NPC1L1: variants seen among roughly 807,000 people sequenced by gnomAD.
The protein encoded by NPC1L1 is NPC1-like intracellular cholesterol transporter 1.
NPC1L1 carries 98 observed loss-of-function variants against 117.0 expected under a neutral mutation model. The ratio of observed to expected loss-of-function variants is 0.84; its 90% CI spans 0.71 to 0.99. The LOEUF is 0.99. Among genes scored for constraint, NPC1L1 ranks in the 50% least tolerant of loss-of-function variants. The pLI, the probability that NPC1L1 is intolerant of heterozygous loss-of-function variation, is 0.00. For missense variants in NPC1L1, 1,540 were observed against 1,710.0 expected, an observed-to-expected ratio of 0.90 and a Z score of 1.75; for synonymous variants, 729 against 727.6, an observed-to-expected ratio of 1.00 and a Z score of -0.03.
chr7:44,513,689 G>A (rs1177398149), intron 18 of NPC1L1, 40 bp from the exon 19 acceptor site: 1 of 1,601,166 alleles, frequency 6.2e-7, no homozygotes, highest in South Asian at 1.1e-5. Flanking sequence ...GAGGTGGGCA[G>A]GGGACACAGG....
chr7:44,514,519 A>C (rs1023438525), intron 18 of NPC1L1, among the ~76,000 whole-genome samples: 18 of 151,892 alleles, frequency 1.2e-4, no homozygotes, highest in Non-Finnish European at 2.4e-4. Flanking sequence ...AAATACAAAA[A>C]TTAGCCAGGT....
chr7:44,526,479 G>T (rs574157479), intron 10 of NPC1L1, among the ~76,000 whole-genome samples: 1 of 148,736 alleles, frequency 6.7e-6, no homozygotes, highest in East Asian at 2.0e-4. Context: ...AACCTGGGAG[G>T]TGGAGGTTGC....
chr7:44,539,898 G>T lies in NPC1L1; in HGVS notation c.499C>A (p.Gln167Lys). 6.2e-7 allele frequency: 1 copy of T among 1,614,154 alleles called. No individual in the cohort carries two copies. Among genetic ancestry groups the T allele is most frequent in the Non-Finnish European group, 8.5e-7 (1 of 1,180,046 alleles). ...EAFYQHSFAE[Q>K]SYDSCSRVRV... is the part of the protein sequence containing the mutation. ...ACACGGCTGCAGGAGTCATAGCTCT[G>T]CTCGGCAAAGCTATGCTGGTAGAAG... Residue 167 changes from glutamine to lysine, a missense_variant, in exon 2 of 19, where the codon CAG becomes AAG. By Grantham distance (53) the Gln-to-Lys change is moderately conservative. Around this residue, in one of 3 missense-constraint regions of NPC1L1, gnomAD observed 793 missense variants for 820.4 expected, o/e 0.97. Coordinates refer to ENST00000381160, the MANE Select transcript of NPC1L1 (RefSeq NM_001101648.2). This position sits in a 1 kb window ranked among gnomAD's most constrained non-coding sequence, Gnocchi z 4.4.
chr7:44,540,755 G>C (rs1213098206), intron 1 of NPC1L1, among the ~76,000 whole-genome samples: 1 of 151,912 alleles, frequency 6.6e-6, no homozygotes, highest in Non-Finnish European at 1.5e-5. Context: ...CCACCTGCTT[G>C]AGGCCAAAAG....
At position 44,512,972 on chromosome 7, in the gene NPC1L1, G is replaced by A. The variant is rs1801082601; in HGVS notation, c.*475C>T. 4.7e-6 allele frequency: 1 copy of A among 211,632 alleles called. No homozygotes were observed. Among genetic ancestry groups the A allele is most frequent in the South Asian group, 8.4e-5 (1 of 11,894 alleles). 13.1% of individuals were successfully genotyped at this position (211,632 alleles called of 1,614,324 possible). ...CTCCCACAGCGTTGGCTCTTGGCCTGAGCCTTTGCCTCTCTCTGGCCTCCT... is the reference window on the plus strand; with the variant it reads ...CTCCCACAGCGTTGGCTCTTGGCCTAAGCCTTTGCCTCTCTCTGGCCTCCT... On this transcript the variant is annotated 3_prime_UTR_variant, in exon 19 of 19. Transcript: ENST00000381160.
At position 44,517,225 on chromosome 7, in the gene NPC1L1, A is replaced by G. The variant is rs530055456; in HGVS notation, c.3269T>C (p.Phe1090Ser). The G allele has an allele frequency of 1.9e-5, 31 of 1,613,884 alleles. No homozygotes were observed. The South Asian group carries it at 3.3e-4, about 17-fold the overall frequency. ...TCCTCACGTGTAGGGGAAGACCTCAAAAGCCGGGTCTGTTCCAGGCACTTT... is the reference window on the plus strand; with the variant it reads ...TCCTCACGTGTAGGGGAAGACCTCAGAAGCCGGGTCTGTTCCAGGCACTTT... ...LRKVPGTDPA[F>S]EVFPYTITNV... The change falls in exon 15 of 19, where the codon TTT becomes TCT. Residue 1090 changes from phenylalanine (F) to serine (S), a missense_variant. This residue lies in a region of NPC1L1 where 742 missense variants were observed against 873.6 expected (regional missense o/e 0.85). Coordinates refer to ENST00000381160, the MANE Select transcript of NPC1L1 (RefSeq NM_001101648.2).
chr7:44,514,023 C>A (rs994880032), intron 18 of NPC1L1, among the ~76,000 whole-genome samples: 5 of 152,194 alleles, frequency 3.3e-5, no homozygotes, highest in African/African-American at 9.7e-5. Context: ...TGGTTAGGAA[C>A]CACAGAGCTG....
At chr7:44,529,164 C>T (rs1001045883) in intron 10 of NPC1L1, among the ~76,000 whole-genome samples, 11 of 122,878 alleles carry the variant, frequency 9.0e-5, no homozygotes, top group East Asian at 4.9e-4. Flanking sequence ...CACACACACA[C>T]GATCGAGATT....
At chr7:44,529,660 G>A (rs1801636136) in intron 10 of NPC1L1, among the ~76,000 whole-genome samples, 1 of 151,900 alleles carries the variant, frequency 6.6e-6, no homozygotes, top group South Asian at 2.1e-4. Context: ...TTACAGGAGT[G>A]AGCCACCACT....
chr7:44,541,111 T>G (rs1230703198), intron 1 of NPC1L1, 95 bp downstream of exon 1: 18 of 1,369,206 alleles, frequency 1.3e-5, no homozygotes, highest in Non-Finnish European at 1.3e-5. Flanking sequence ...GAGGCTCCCT[T>G]GCTGTCACCC....
intron 10 of NPC1L1, among the ~76,000 whole-genome samples, chr7:44,522,999 GT>G (rs1483215694): frequency 1.3e-5 from 2 of 152,216 alleles, no homozygotes; most frequent in African/African-American, 4.8e-5. Flanking sequence ...ACAGTAGGAA[GT>G]GTCAGGAATC....
chr7:44,528,656 G>T (rs527689794), intron 10 of NPC1L1, among the ~76,000 whole-genome samples: 4 of 152,192 alleles, frequency 2.6e-5, no homozygotes, highest in Admixed American at 2.6e-4. Context: ...CAGTAATGCA[G>T]GAAATGAGAA....
intron 18 of NPC1L1, among the ~76,000 whole-genome samples, chr7:44,514,577 A>G (rs1801128631): frequency 6.6e-6 from 1 of 152,228 alleles, no homozygotes; most frequent in Non-Finnish European, 1.5e-5. Flanking sequence ...CTGAGACAGG[A>G]GAATCGCTTG....
chr7:44,537,047 T>TG (rs896273216), intron 2 of NPC1L1, 105 bp from the exon 3 acceptor site: 2 of 881,742 alleles, frequency 2.3e-6, no homozygotes, highest in African/African-American at 3.4e-5. Context: ...CTATGGAGGG[T>TG]GAGCTGGTGG....
At position 44,515,971 on chromosome 7, in the gene NPC1L1, G is replaced by T; in HGVS notation, c.3634-6C>A. The T allele has an allele frequency of 3.7e-6, 6 of 1,613,774 alleles. No individual in the cohort carries two copies. The highest frequency in any genetic ancestry group is 5.1e-6 in the Non-Finnish European group (6 of 1,179,862). ...ATGGCCACACCTGCAAACACCTGGG[G>T]GGTTCAGAGCCAGGTGTCAGGCAGG... is the stretch of plus-strand genomic sequence containing the variant. On this transcript the variant is annotated splice_polypyrimidine_tract_variant and splice_region_variant and intron_variant, in intron 17 of 18. Coordinates refer to ENST00000381160, the MANE Select transcript of NPC1L1 (RefSeq NM_001101648.2).
intron 10 of NPC1L1, among the ~76,000 whole-genome samples, chr7:44,524,083 T>C (rs1266480767): frequency 6.6e-6 from 1 of 152,150 alleles, no homozygotes; most frequent in Admixed American, 6.5e-5. Context: ...CTTTTTCTCC[T>C]TTTGGGAACC....
Position 44,539,552 on chromosome 7 carries a change from G to A in NPC1L1, c.845C>T (p.Pro282Leu), listed in dbSNP as rs115565879. Residue 282 changes from proline (P) to leucine (L), a missense_variant, in exon 2 of 19, where the codon CCG (proline) becomes CTG (leucine). Transcript: ENST00000381160. The surrounding 1 kb of genome is among the most constrained non-coding windows in gnomAD (Gnocchi z 4.4). Reference sequence around the variant, plus strand: ...GATGATGATGAGGACCAGACTGCCCGGCATCTGGCCCAGGTAGAAGGTGGA... The same window carrying A: ...GATGATGATGAGGACCAGACTGCCCAGCATCTGGCCCAGGTAGAAGGTGGA... ...LDSTFYLGQMPGSLVLIIILC... is the reference protein window; with the variant it reads ...LDSTFYLGQMLGSLVLIIILC... 199 of 1,614,066 alleles carry A rather than the reference G, an allele frequency of 1.2e-4. No individual in the cohort carries two copies. Among genetic ancestry groups the A allele is most frequent in the East Asian group, 3.6e-4 (16 of 44,884 alleles).
At position 44,541,267 on chromosome 7, in the gene NPC1L1, C is replaced by A; in HGVS notation, c.-8G>T. 1 of 1,549,780 alleles carries A rather than the reference C, an allele frequency of 6.5e-7. No individual in the cohort carries two copies. Among genetic ancestry groups the A allele is most frequent in the Non-Finnish European group, 8.7e-7 (1 of 1,146,732 alleles). On this transcript the variant is annotated 5_prime_UTR_variant, in exon 1 of 19. Coordinates refer to ENST00000381160, the MANE Select transcript of NPC1L1 (RefSeq NM_001101648.2). ...CAGGCCGGCCTCCGCCATCCCAGGT[C>A]TGGGAAGGGGTCAGCGGGGAGCCAG...
chr7:44,536,057 T>A lies in NPC1L1; in HGVS notation c.1855-89A>T. On this transcript the variant is annotated intron_variant, in intron 4 of 18. Transcript: ENST00000381160. The surrounding 1 kb of genome is among the most constrained non-coding windows in gnomAD (Gnocchi z 4.7). ...TAGCTCGGTCACTGGGCACTAATTG[T>A]GTGTTGTGTCATAGGGCCTGATGGC... The A allele has an allele frequency of 6.2e-7, 1 of 1,603,274 alleles. No individual in the cohort carries two copies. Among genetic ancestry groups the A allele is most frequent in the Non-Finnish European group, 8.5e-7 (1 of 1,173,266 alleles).
Sources: gnomAD v4.1 joint callset for allele counts (sites outside exome capture counted in the v4.1 genomes callset) on GRCh38, gnomAD v4.1.1 for gene constraint, gnomAD v4.1.1 regional missense constraint, Gnocchi (gnomAD v3.1) non-coding constraint, MANE v1.5 for transcripts, NCBI Gene and HGNC (gene_info 2026-07-23, HGNC 2026-07-21) for gene names.